The following NTRK3 variants were observed in gnomAD, a reference collection of about 807,000 sequenced individuals.
The protein encoded by NTRK3 is NT-3 growth factor receptor.
Under a neutral mutation model 91.7 loss-of-function variants are expected in NTRK3, and 24 were observed. The ratio of observed to expected loss-of-function variants is 0.26; its 90% CI spans 0.19 to 0.37. The LOEUF (loss-of-function observed/expected upper bound fraction) is 0.37. NTRK3 is among the 10% of genes least tolerant of loss of function. The pLI is 1.00. For missense variants in NTRK3, 880 were observed against 1,068.9 expected (o/e 0.82, Z 2.46); for synonymous variants, 483 against 404.0 (o/e 1.20, Z -2.34).
chr15:88,002,449 T>C (rs554419059), intron 14 of NTRK3, among the ~76,000 whole-genome samples: 212 of 152,184 alleles, frequency 1.4e-3, no homozygotes, highest in Non-Finnish European at 2.8e-3. Flanking sequence ...CTAAGATTGC[T>C]AGGAACTACA....
At chr15:88,091,063 G>C (rs557904678) in intron 13 of NTRK3, among the ~76,000 whole-genome samples, 1 of 152,348 alleles carries the variant, frequency 6.6e-6, no homozygotes, top group South Asian at 2.1e-4. Flanking sequence ...CCAGAGGAAA[G>C]TCAGGGGCTA....
chr15:87,989,109 T>G (rs989011439), intron 14 of NTRK3, among the ~76,000 whole-genome samples: 3 of 152,256 alleles, frequency 2.0e-5, no homozygotes, highest in Admixed American at 2.0e-4. Flanking sequence ...TCCTCAAGGA[T>G]CTAGAACTAG....
chr15:88,255,234 G>C lies in NTRK3; in HGVS notation c.248+672C>G, dbSNP rs898133489. Among the ~76,000 whole-genome samples, 4 of 152,170 alleles carry C rather than the reference G, an allele frequency of 2.6e-5. No individual in the cohort carries two copies. The highest frequency in any genetic ancestry group is 4.4e-5 in the Non-Finnish European group (3 of 68,046). On this transcript the variant is annotated intron_variant, in intron 3 of 18. Transcript: ENST00000394480. This position sits in a 1 kb window ranked among gnomAD's most constrained non-coding sequence, Gnocchi z 4.3. The stretch of plus-strand genomic sequence containing the variant: ...TCTGTAGGCGCCCAGATGCAGATGA[G>C]GGTGGCAAAGGGGTGTCTCGGAAAT...
chr15:88,242,536 C>T lies in NTRK3; in HGVS notation c.248+13370G>A, dbSNP rs74027919. 8.9e-3 allele frequency among the ~76,000 whole-genome samples: 1,356 copies of T among 152,316 alleles called. 19 individuals are homozygous for T. The highest frequency in any genetic ancestry group is 0.03 in the African/African-American group (1,255 of 41,574). Reference sequence around the variant, plus strand: ...TGAGATAACCCTTTGAGCTGTAGATCATTTGTCTAATACCTGCCTCCCTCC... The same window carrying T: ...TGAGATAACCCTTTGAGCTGTAGATTATTTGTCTAATACCTGCCTCCCTCC... On this transcript the variant is annotated intron_variant, in intron 3 of 18. Coordinates refer to ENST00000394480, the Ensembl canonical transcript of NTRK3.
chr15:88,193,083 CT>C (rs2047538696), intron 3 of NTRK3, among the ~76,000 whole-genome samples: 1 of 152,200 alleles, frequency 6.6e-6, no homozygotes, highest in Admixed American at 6.5e-5. Context: ...GGCACCACCC[CT>C]GAGTAAGTAT....
In NTRK3 at chr15:88,123,828, G is replaced by A. The variant is rs182013813; in HGVS notation, c.1396+2443C>T. On this transcript the variant is annotated intron_variant, in intron 13 of 18. Transcript: ENST00000394480. ...TTCAATAAGAGGTTATGGAGACCAA[G>A]GTTTTATGATGCAGATGAAGCCTCC... Among the ~76,000 whole-genome samples the A allele has an allele frequency of 5.4e-3, 824 of 152,334 alleles. 3 individuals carry two copies. Among genetic ancestry groups the A allele is most frequent in the Non-Finnish European group, 9.7e-3 (663 of 68,032 alleles).
intron 17 of NTRK3, among the ~76,000 whole-genome samples, chr15:87,889,396 C>CTTTTTTTTTT (rs568030482): frequency 3.1e-5 from 3 of 95,630 alleles, no homozygotes; most frequent in African/African-American, 4.9e-5. Flanking sequence ...TTATTAGTTC[C>CTTTTTTTTTT]TTTTTTTTTT....
At chr15:88,127,045 T>C in intron 12 of NTRK3, 117 bp downstream of exon 12, 2 of 902,698 alleles carry the variant, frequency 2.2e-6, no homozygotes, top group Non-Finnish European at 3.6e-6. Flanking sequence ...TTCAATTCAT[T>C]ACTTTTTTTT....
chr15:88,239,546 G>A (rs557584186), intron 3 of NTRK3, among the ~76,000 whole-genome samples: 25 of 152,156 alleles, frequency 1.6e-4, no homozygotes, highest in Non-Finnish European at 7.3e-5. Context: ...GTTGGATCAC[G>A]CAGGTCAAGG....
intron 13 of NTRK3, among the ~76,000 whole-genome samples, chr15:88,044,265 T>C (rs967457728): frequency 4.2e-5 from 6 of 142,162 alleles, no homozygotes; most frequent in African/African-American, 1.6e-4. Context: ...TTTTTTTTTT[T>C]TTTTTTTTTT....
chr15:88,205,132 T>TC (rs1416390033), intron 3 of NTRK3, among the ~76,000 whole-genome samples: 1 of 152,024 alleles, frequency 6.6e-6, no homozygotes, highest in Non-Finnish European at 1.5e-5. Context: ...AGTGATTTTC[T>TC]CCCCCTGCTG....
At chr15:88,164,970 G>A (rs759111357) in intron 5 of NTRK3, among the ~76,000 whole-genome samples, 8 of 152,158 alleles carry the variant, frequency 5.3e-5, no homozygotes, top group Non-Finnish European at 1.0e-4. Flanking sequence ...ACTCAAGGAA[G>A]AGACAAGATA....
At chr15:88,032,248 G>A (rs186440160) in intron 14 of NTRK3, among the ~76,000 whole-genome samples, 1 of 152,050 alleles carries the variant, frequency 6.6e-6, no homozygotes, top group Non-Finnish European at 1.5e-5. Flanking sequence ...CAAGGAGAGG[G>A]GTTGGAACCA....
At chr15:88,225,800 CAGG>C (rs2141644736) in intron 3 of NTRK3, among the ~76,000 whole-genome samples, 1 of 152,274 alleles carries the variant, frequency 6.6e-6, no homozygotes, top group South Asian at 2.1e-4. Context: ...TCACGGCAGG[CAGG>C]AGGAGGGATG....
chr15:87,995,882 T>C (rs1407383240), intron 14 of NTRK3, among the ~76,000 whole-genome samples: 4 of 152,228 alleles, frequency 2.6e-5, no homozygotes, highest in Non-Finnish European at 5.9e-5. Context: ...ACATTGAAAT[T>C]TGAATTTCAT....
rs190308590 is a variant in NTRK3, at chr15:88,145,100, G to A, written c.464+2235C>T. 1.6e-4 allele frequency among the ~76,000 whole-genome samples: 24 copies of A among 152,214 alleles called. No homozygotes were observed. The East Asian group carries it at 1.7e-3, about 11-fold the overall frequency. ...CACGCCCCAGCCCACAGGCTCCATC[G>A]AGCAGACCCTGGCAGTCTAGATGGC... On this transcript the variant is annotated intron_variant, in intron 6 of 18. Transcript: ENST00000394480.
intron 13 of NTRK3, among the ~76,000 whole-genome samples, chr15:88,084,710 C>A (rs755291659): frequency 2.0e-5 from 3 of 152,204 alleles, no homozygotes; most frequent in Non-Finnish European, 2.9e-5. Context: ...CCCTGCCCTC[C>A]AGCCCAGTAG....
chr15:88,119,819 C>G (rs61210781), intron 13 of NTRK3, among the ~76,000 whole-genome samples: 1 of 152,180 alleles, frequency 6.6e-6, no homozygotes, highest in Non-Finnish European at 1.5e-5. Flanking sequence ...TAAATGTAGT[C>G]AAATAAGTGT....
At chr15:88,106,657 G>A (rs2050738505) in intron 13 of NTRK3, among the ~76,000 whole-genome samples, 1 of 152,120 alleles carries the variant, frequency 6.6e-6, no homozygotes, top group East Asian at 1.9e-4. Context: ...AATGGGCCAG[G>A]CATGTGGCTC....
Sources: gnomAD v4.1 joint callset for allele counts (sites outside exome capture counted in the v4.1 genomes callset) on GRCh38, gnomAD v4.1.1 for gene constraint, Gnocchi (gnomAD v3.1) non-coding constraint, MANE v1.5 for transcripts, NCBI Gene and HGNC (gene_info 2026-07-23, HGNC 2026-07-21) for gene names.